Variants in ABI3BP observed in about 807,000 individuals in gnomAD.
ABI3BP encodes the protein ABI family member 3 binding protein, also known as target of Nesh-SH3.
In ABI3BP, 216 loss-of-function variants were observed where a neutral mutation model predicts 268.6. The observed-to-expected ratio is 0.80, with a 90% confidence interval of 0.72 to 0.90. ABI3BP has a LOEUF of 0.90. Ranked by LOEUF, ABI3BP falls within the 40% of genes least tolerant of loss-of-function variation. The probability of loss-of-function intolerance (pLI) is 0.00; values close to 1 mark genes in which losing one functional copy is unlikely to be tolerated. For missense variants in ABI3BP, 2,090 were observed against 2,182.4 expected, an observed-to-expected ratio of 0.96 and a Z score of 0.84; for synonymous variants, 730 against 730.0, an observed-to-expected ratio of 1.00 and a Z score of 0.00.
In ABI3BP at chr3:100,879,744, A is replaced by G. The variant is rs550933603; in HGVS notation, c.697-3184T>C. Among the ~76,000 whole-genome samples the G allele has an allele frequency of 1.1e-4, 17 of 152,292 alleles. No individual in the cohort carries two copies. In the South Asian group the frequency reaches 3.5e-3, roughly 32 times the overall value. On this transcript the variant is annotated intron_variant, in intron 6 of 67. Transcript: ENST00000471714. Reference sequence around the variant, plus strand: ...AAAAAATCATTTAGCTGAAGAATGCAATTTTTTTTCTAGGCCTAGAAATGC... The same window carrying G: ...AAAAAATCATTTAGCTGAAGAATGCGATTTTTTTTCTAGGCCTAGAAATGC...
chr3:100,980,959 C>A (rs751819113), intron 1 of ABI3BP, among the ~76,000 whole-genome samples: 1 of 152,140 alleles, frequency 6.6e-6, no homozygotes, highest in Non-Finnish European at 1.5e-5. Context: ...AATTGAAAAC[C>A]AGCTTTACAA....
intron 1 of ABI3BP, among the ~76,000 whole-genome samples, chr3:100,978,372 C>T (rs1017073554): frequency 3.3e-5 from 5 of 152,160 alleles, no homozygotes; most frequent in African/African-American, 4.8e-5. Context: ...ACTGTCCATA[C>T]TTTATTGTGA....
intron 2 of ABI3BP, among the ~76,000 whole-genome samples, chr3:100,917,655 T>A (rs1036191326): frequency 3.9e-5 from 6 of 152,188 alleles, no homozygotes; most frequent in Non-Finnish European, 7.3e-5. Context: ...TTATCGAGAA[T>A]GACTTTTTAA....
Position 100,834,679 on chromosome 3 carries a change from T to C in ABI3BP, c.2281+5A>G. 1 of 1,535,174 alleles carries C rather than the reference T, an allele frequency of 6.5e-7. No individual in the cohort carries two copies. Among genetic ancestry groups the C allele is most frequent in the Non-Finnish European group, 8.7e-7 (1 of 1,146,166 alleles). Reference sequence around the variant, plus strand: ...CACAGGGACAAGGAACCACATATTATTTACCTAGTTTGGTCTGCAGTGTCT... The same window carrying C: ...CACAGGGACAAGGAACCACATATTACTTACCTAGTTTGGTCTGCAGTGTCT... On this transcript the variant is annotated splice_donor_5th_base_variant and intron_variant, in intron 29 of 67. Coordinates refer to ENST00000471714, the MANE Select transcript of ABI3BP (RefSeq NM_001375547.2).
At chr3:100,855,961 G>C (rs2098935024) in intron 14 of ABI3BP, among the ~76,000 whole-genome samples, 1 of 152,126 alleles carries the variant, frequency 6.6e-6, no homozygotes, top group South Asian at 2.1e-4. Context: ...TCATTAAAAT[G>C]TTCATGAAAT....
intron 1 of ABI3BP, among the ~76,000 whole-genome samples, chr3:100,946,328 C>T (rs1054958296): frequency 6.7e-6 from 1 of 149,632 alleles, no homozygotes; most frequent in Non-Finnish European, 1.5e-5. Flanking sequence ...CCAAATCATG[C>T]CACACATTCC....
intron 55 of ABI3BP, among the ~76,000 whole-genome samples, chr3:100,790,626 A>G (rs530372962): frequency 7.9e-5 from 12 of 152,120 alleles, no homozygotes; most frequent in African/African-American, 1.9e-4. Flanking sequence ...GAAATTCTCT[A>G]TAGGTTTATT....
chr3:100,777,191 C>T (rs1324187533), intron 59 of ABI3BP, among the ~76,000 whole-genome samples: 1 of 152,236 alleles, frequency 6.6e-6, no homozygotes, highest in Non-Finnish European at 1.5e-5. Flanking sequence ...CATCCACTCC[C>T]TTTCATGGCG....
At chr3:100,827,929 A>G (rs1055534092) in intron 34 of ABI3BP, among the ~76,000 whole-genome samples, 7 of 152,286 alleles carry the variant, frequency 4.6e-5, no homozygotes, top group African/African-American at 1.4e-4. Context: ...TTCACTAAAA[A>G]TATTACTCAT....
chr3:100,827,338 C>T (rs145504580), intron 34 of ABI3BP, among the ~76,000 whole-genome samples: 2 of 152,240 alleles, frequency 1.3e-5, no homozygotes, highest in Admixed American at 6.5e-5. Context: ...GGGGTAACAA[C>T]CCTCTGGACG....
chr3:100,989,208 G>C (rs2092502104), intron 1 of ABI3BP, among the ~76,000 whole-genome samples: 2 of 152,124 alleles, frequency 1.3e-5, no homozygotes, highest in Admixed American at 1.3e-4. Flanking sequence ...TTTGATCATG[G>C]ACTTCCCAGC....
chr3:100,887,423 G>A (rs557906429), intron 4 of ABI3BP, among the ~76,000 whole-genome samples: 2 of 152,012 alleles, frequency 1.3e-5, no homozygotes, highest in South Asian at 4.2e-4. Context: ...CACTGTAAAG[G>A]GATAACAAAT....
chr3:100,936,589 G>C (rs1351290085), intron 1 of ABI3BP, among the ~76,000 whole-genome samples: 1 of 152,076 alleles, frequency 6.6e-6, no homozygotes, highest in Non-Finnish European at 1.5e-5. Context: ...GAATTCGGCT[G>C]TGAATCTGTC....
At chr3:100,894,366 T>C (rs1382247845) in intron 4 of ABI3BP, among the ~76,000 whole-genome samples, 1 of 152,168 alleles carries the variant, frequency 6.6e-6, no homozygotes, top group Non-Finnish European at 1.5e-5. Flanking sequence ...AGAATGTTGA[T>C]ATCTCACTGG....
chr3:100,856,112 A>T (rs547983301), intron 14 of ABI3BP, among the ~76,000 whole-genome samples: 1 of 152,298 alleles, frequency 6.6e-6, no homozygotes, highest in East Asian at 1.9e-4. Flanking sequence ...TTTGAACTCA[A>T]TCCAGTTGGG....
intron 17 of ABI3BP, among the ~76,000 whole-genome samples, chr3:100,849,731 T>TG (rs2098817546): frequency 6.6e-6 from 1 of 152,212 alleles, no homozygotes; most frequent in African/African-American, 2.4e-5. Context: ...TACCTAACTG[T>TG]GTTAAGTAGA....
chr3:100,853,257 G>A (rs1395957753), intron 14 of ABI3BP, among the ~76,000 whole-genome samples: 1 of 152,190 alleles, frequency 6.6e-6, no homozygotes, highest in African/African-American at 2.4e-5. Flanking sequence ...TTAAAGATAT[G>A]CACACATTCT....
In ABI3BP at chr3:100,754,795, A is replaced by C. The variant is rs114589462; in HGVS notation, c.4851-104T>G. The C allele has an allele frequency of 4.6e-3, 4,202 of 917,420 alleles. 25 individuals carry two copies. The highest frequency in any genetic ancestry group is 5.5e-3 in the Non-Finnish European group (3,193 of 579,992). The allele number at this position is 917,420 out of a possible 1,614,324, so 56.8% of individuals were successfully genotyped here. ...TCCACTATACTGACATCCCTTTGAA[A>C]TTATGACAGTGAATGGTAACATATG... On this transcript the variant is annotated intron_variant, in intron 63 of 67. Coordinates refer to ENST00000471714, the MANE Select transcript of ABI3BP (RefSeq NM_001375547.2).
chr3:100,766,080 T>C (rs2096257019), intron 62 of ABI3BP, 131 bp from the exon 63 acceptor site: 1 of 650,504 alleles, frequency 1.5e-6, no homozygotes, highest in Non-Finnish European at 2.7e-6. Context: ...AGAGACATAT[T>C]GATCTTACAC....
Sources: gnomAD v4.1 joint callset for allele counts (sites outside exome capture counted in the v4.1 genomes callset) on GRCh38, gnomAD v4.1.1 for gene constraint, MANE v1.5 for transcripts, NCBI Gene and HGNC (gene_info 2026-07-23, HGNC 2026-07-21) for gene names.